ECHDC2: variants seen among roughly 807,000 people sequenced by gnomAD.
ECHDC2 encodes the protein enoyl-CoA hydratase domain-containing protein 2, mitochondrial.
In ECHDC2, 34 loss-of-function variants were observed where a neutral mutation model predicts 40.6. The ratio of observed to expected loss-of-function variants is 0.84; its 90% CI spans 0.64 to 1.11. The LOEUF (loss-of-function observed/expected upper bound fraction) is 1.11. Ranked by LOEUF, ECHDC2 falls within the 50% of genes most tolerant of loss-of-function variation. The pLI, the probability that ECHDC2 is intolerant of heterozygous loss-of-function variation, is 0.00. For missense variants in ECHDC2, 392 were observed against 400.7 expected, an observed-to-expected ratio of 0.98 and a Z score of 0.19; for synonymous variants, 162 against 166.6, an observed-to-expected ratio of 0.97 and a Z score of 0.21.
intron 1 of ECHDC2, chr1:52,920,476 A>G: frequency 6.8e-7 from 1 of 1,477,344 alleles, no homozygotes; most frequent in Non-Finnish European, 9.2e-7. Flanking sequence ...ATGGACGAGG[A>G]AGATAAGGCT....
intron 3 of ECHDC2, 47 bp downstream of exon 3, chr1:52,911,519 G>T: frequency 6.3e-7 from 1 of 1,587,966 alleles, no homozygotes; most frequent in South Asian, 1.1e-5. Context: ...CCTGGAGGCT[G>T]GTGGGCACCC....
chr1:52,912,075 C>T, intron 1 of ECHDC2: 1 of 1,358,470 alleles, frequency 7.4e-7, no homozygotes, highest in African/African-American at 1.5e-5. Context: ...TAGCCCTTGC[C>T]TGCTTCTGCT....
At chr1:52,917,799 G>A (rs537410927) in intron 1 of ECHDC2, among the ~76,000 whole-genome samples, 1 of 152,246 alleles carries the variant, frequency 6.6e-6, no homozygotes, top group South Asian at 2.1e-4. Context: ...ACACTCAAAT[G>A]CTGGTGGTGA....
In ECHDC2 at chr1:52,921,537, G is replaced by A. The variant is rs1651902148; in HGVS notation, c.121+16C>T. 1.9e-6 allele frequency: 3 copies of A among 1,605,998 alleles called. No individual in the cohort carries two copies. Among genetic ancestry groups the A allele is most frequent in the Non-Finnish European group, 2.5e-6 (3 of 1,177,026 alleles). On this transcript the variant is annotated intron_variant, in intron 1 of 9. Transcript: ENST00000371522. ...TCCCAGTCGCGTCATGCGCCGCCCCGGAACTGCACATTTACCTTGGTCCGG... is the reference window on the plus strand; with the variant it reads ...TCCCAGTCGCGTCATGCGCCGCCCCAGAACTGCACATTTACCTTGGTCCGG...
intron 9 of ECHDC2, chr1:52,897,085 C>A (rs530989067): frequency 2.9e-4 from 113 of 391,602 alleles, no homozygotes; most frequent in Non-Finnish European, 4.9e-4. Flanking sequence ...TTGAACACAG[C>A]CTGCAGGCTA....
chr1:52,907,841 T>G, intron 4 of ECHDC2, 27 bp downstream of exon 4: 32 of 647,114 alleles, frequency 4.9e-5, no homozygotes, highest in Non-Finnish European at 7.2e-5. Context: ...CCAAACCCCC[T>G]CCTCCACCCC....
intron 1 of ECHDC2, among the ~76,000 whole-genome samples, chr1:52,919,574 C>T: frequency 6.6e-6 from 1 of 152,156 alleles, no homozygotes; most frequent in African/African-American, 2.4e-5. Context: ...CGTTGTTAAG[C>T]AACACATGAC....
intron 4 of ECHDC2, chr1:52,907,663 G>C: frequency 1.8e-6 from 1 of 546,066 alleles, no homozygotes; most frequent in South Asian, 2.6e-5. Flanking sequence ...AGGGTGGGGC[G>C]GGACACAAAA....
chr1:52,912,065 T>C, intron 1 of ECHDC2: 1 of 1,376,816 alleles, frequency 7.3e-7, no homozygotes, highest in Non-Finnish European at 9.4e-7. Context: ...ACTACCACAG[T>C]AGCCCTTGCC....
At chr1:52,905,785 G>A (rs1199802904) in intron 5 of ECHDC2, 4 of 164,674 alleles carry the variant, frequency 2.4e-5, no homozygotes, top group African/African-American at 9.6e-5. Flanking sequence ...GGGCATGTGA[G>A]AAGGAGAGTT....
Position 52,907,715 on chromosome 1 carries a change from GTCATCCTCCTCCA to G in ECHDC2, c.364+140_364+152del. The G allele has an allele frequency of 1.2e-5, 8 of 648,612 alleles. No homozygotes were observed. The South Asian group carries it at 1.7e-4, about 13-fold the overall frequency. The allele number at this position is 648,612 out of a possible 1,614,324, so 40.2% of individuals were successfully genotyped here. ...TCCCTCTCTGAGAGAACTGCCCTCG[GTCATCCTCCTCCA>G]TCCCCCTGGGTGAGTCATCTGTCTT... On this transcript the variant is annotated intron_variant, in intron 4 of 9. Transcript: ENST00000371522.
chr1:52,921,447 T>A lies in ECHDC2; in HGVS notation c.121+106A>T, dbSNP rs779391981. ...GCGCCTAGAACTGGGAGGGAGGGAC[T>A]GGGGATCGAATCCTTCAACGCACTG... On this transcript the variant is annotated intron_variant, in intron 1 of 9. Coordinates refer to ENST00000371522, the MANE Select transcript of ECHDC2 (RefSeq NM_001198961.2). 2.5e-5 allele frequency: 36 copies of A among 1,453,716 alleles called. No individual in the cohort carries two copies. The Middle Eastern group carries it at 7.2e-4, about 29-fold the overall frequency. 90.1% of individuals were successfully genotyped at this position (1,453,716 alleles called of 1,614,324 possible).
At chr1:52,897,584 A>G in intron 8 of ECHDC2, 100 bp from the exon 9 acceptor site, 1 of 1,122,580 alleles carries the variant, frequency 8.9e-7, no homozygotes, top group Non-Finnish European at 1.4e-6. Flanking sequence ...CTATATGAGC[A>G]GAGATAGCTA....
At chr1:52,915,077 G>A (rs1557515510) in intron 1 of ECHDC2, 3 of 369,272 alleles carry the variant, frequency 8.1e-6, no homozygotes, top group Non-Finnish European at 1.1e-5. Flanking sequence ...ATTCACCCCC[G>A]CCATCTAGTC....
chr1:52,901,677 CAGA>C (rs1167849717), intron 7 of ECHDC2: 5 of 152,148 alleles, frequency 3.3e-5, no homozygotes, highest in Admixed American at 2.0e-4. Flanking sequence ...CAGGTTGACC[CAGA>C]AGGTCTCAAC....
At position 52,898,094 on chromosome 1, in the gene ECHDC2, A is replaced by T. The variant is rs370237185; in HGVS notation, c.754-610T>A. On this transcript the variant is annotated intron_variant, in intron 8 of 9. Coordinates refer to ENST00000371522, the MANE Select transcript of ECHDC2 (RefSeq NM_001198961.2). ...TTCCTCTGGAATTTTTATCCTTCCC[A>T]CAGTCCAACTGTAGAAAACAGTCTT... 89 of 164,086 alleles carry T rather than the reference A, an allele frequency of 5.4e-4. 1 individual carries two copies. In the South Asian group the frequency reaches 8.5e-3, roughly 16 times the overall value. 10.2% of individuals were successfully genotyped at this position (164,086 alleles called of 1,614,324 possible).
At chr1:52,897,564 C>T (rs1158708498) in intron 8 of ECHDC2, 80 bp from the exon 9 acceptor site, 9 of 1,316,058 alleles carry the variant, frequency 6.8e-6, no homozygotes, top group East Asian at 2.3e-5. Context: ...ACCCTATTGC[C>T]TACAGACATC....
chr1:52,907,958 C>A lies in ECHDC2; in HGVS notation c.278-4G>T. ...TCCCGCTCCTTCAGGTCTGCACCTG[C>A]AGATGGCGAGGGTTGGTACCAGCCC... On this transcript the variant is annotated splice_polypyrimidine_tract_variant and splice_region_variant and intron_variant, in intron 3 of 9. Coordinates refer to ENST00000371522, the MANE Select transcript of ECHDC2 (RefSeq NM_001198961.2). 2.5e-6 allele frequency: 4 copies of A among 1,613,992 alleles called. No homozygotes were observed. Among genetic ancestry groups the A allele is most frequent in the Non-Finnish European group, 3.4e-6 (4 of 1,179,920 alleles).
intron 1 of ECHDC2, chr1:52,912,802 C>T (rs1048262860): frequency 1.3e-5 from 2 of 152,252 alleles, no homozygotes; most frequent in African/African-American, 4.8e-5. Flanking sequence ...ATTCTCCTGC[C>T]TCAGCCTCCG....
Sources: gnomAD v4.1 joint callset for allele counts (sites outside exome capture counted in the v4.1 genomes callset) on GRCh38, gnomAD v4.1.1 for gene constraint, MANE v1.5 for transcripts, NCBI Gene and HGNC (gene_info 2026-07-23, HGNC 2026-07-21) for gene names.